HS2ST1: variants seen among roughly 807,000 people sequenced by gnomAD.
HS2ST1 encodes the protein 2-O-sulfotransferase.
HS2ST1 carries 18 observed loss-of-function variants against 42.9 expected under a neutral mutation model. That is an observed-to-expected ratio of 0.42 (90% CI 0.29 to 0.62). The LOEUF (loss-of-function observed/expected upper bound fraction) is 0.62. HS2ST1 is among the 20% of genes least tolerant of loss of function. The pLI is 0.21. For synonymous variants in HS2ST1, 146 were observed against 152.9 expected (o/e 0.95, Z 0.33); for missense variants, 334 against 433.8 (o/e 0.77, Z 2.04).
chr1:86,978,037 G>A (rs891068808), intron 1 of HS2ST1, among the ~76,000 whole-genome samples: 5 of 152,140 alleles, frequency 3.3e-5, no homozygotes, highest in Non-Finnish European at 7.4e-5. Flanking sequence ...TGCAACACAT[G>A]ATCTTTTCTA....
At chr1:86,931,811 A>T (rs538050876) in intron 1 of HS2ST1, among the ~76,000 whole-genome samples, 7 of 152,140 alleles carry the variant, frequency 4.6e-5, no homozygotes, top group Non-Finnish European at 8.8e-5. Context: ...GCTTAATACC[A>T]GTAATCTTTT....
intron 1 of HS2ST1, among the ~76,000 whole-genome samples, chr1:87,070,174 G>A (rs989896548): frequency 3.3e-5 from 5 of 152,156 alleles, no homozygotes; most frequent in African/African-American, 9.7e-5. Flanking sequence ...TTCTGTCAGC[G>A]CTTAAATGCC....
chr1:87,002,676 T>G (rs10873812), intron 1 of HS2ST1, among the ~76,000 whole-genome samples: 136,992 of 151,406 alleles, frequency 0.9, 62,240 homozygotes, highest in East Asian at 0.99. Flanking sequence ...ATGTAGTTTG[T>G]TTTTTTTACA....
intron 1 of HS2ST1, among the ~76,000 whole-genome samples, chr1:87,072,176 A>G (rs1244360549): frequency 6.6e-6 from 1 of 152,206 alleles, no homozygotes; most frequent in East Asian, 1.9e-4. Flanking sequence ...AGTGAAAAGC[A>G]TAGCCATGTG....
Position 86,979,927 on chromosome 1 carries a change from G to GT in HS2ST1, c.124+64772dup, listed in dbSNP as rs1217114791. ...AAGGTCATGAAGTATATTCTTATTTGTTTTTACTTCTGCATAAGATTACCC... is the reference window on the plus strand; with the variant it reads ...AAGGTCATGAAGTATATTCTTATTTGTTTTTTACTTCTGCATAAGATTACCC... On this transcript the variant is annotated intron_variant, in intron 1 of 6. Transcript: ENST00000370550. Among the ~76,000 whole-genome samples, 199 of 152,070 alleles carry GT rather than the reference G, an allele frequency of 1.3e-3. 1 individual carries two copies. The highest frequency in any genetic ancestry group is 4.6e-3 in the African/African-American group (192 of 41,482).
chr1:87,077,589 ACTTAT>A (rs1321257936), intron 2 of HS2ST1, among the ~76,000 whole-genome samples: 2 of 152,182 alleles, frequency 1.3e-5, no homozygotes, highest in African/African-American at 4.8e-5. Flanking sequence ...CAGCTTACTA[ACTTAT>A]CTTATATATT....
At position 87,092,674 on chromosome 1, in the gene HS2ST1, T is replaced by A. The variant is rs1651973956; in HGVS notation, c.588+5T>A. ...CGAAAACAAGGAGACAAAAAGGTAA[T>A]ATTTTAGTTTTAAGATTTTTATAAA... On this transcript the variant is annotated splice_donor_5th_base_variant and intron_variant, in intron 4 of 6. Transcript: ENST00000370550. The A allele has an allele frequency of 1.3e-6, 2 of 1,510,778 alleles. No homozygotes were observed. The highest frequency in any genetic ancestry group is 2.9e-5 in the African/African-American group (2 of 69,090). 93.6% of individuals were successfully genotyped at this position (1,510,778 alleles called of 1,614,324 possible).
At chr1:87,070,655 C>T (rs762937848) in intron 1 of HS2ST1, among the ~76,000 whole-genome samples, 1 of 152,144 alleles carries the variant, frequency 6.6e-6, no homozygotes, top group Non-Finnish European at 1.5e-5. Context: ...TCTAAGACAA[C>T]TTCCAAATCT....
intron 1 of HS2ST1, among the ~76,000 whole-genome samples, chr1:86,937,883 A>G (rs1159315891): frequency 6.6e-6 from 1 of 151,874 alleles, no homozygotes; most frequent in Non-Finnish European, 1.5e-5. Flanking sequence ...AGTAATTTAG[A>G]TGAGGTAAAA....
intron 1 of HS2ST1, among the ~76,000 whole-genome samples, chr1:87,066,636 A>T (rs1252974832): frequency 1.3e-5 from 2 of 152,106 alleles, no homozygotes; most frequent in Non-Finnish European, 2.9e-5. Flanking sequence ...CAGGTTTGTT[A>T]CATAGGTATA....
chr1:86,949,820 C>T (rs1336864937), intron 1 of HS2ST1, among the ~76,000 whole-genome samples: 1 of 152,072 alleles, frequency 6.6e-6, no homozygotes, highest in East Asian at 1.9e-4. Context: ...AATTAGACTC[C>T]TATTATCATA....
At chr1:86,988,519 T>C (rs1648855182) in intron 1 of HS2ST1, among the ~76,000 whole-genome samples, 1 of 152,246 alleles carries the variant, frequency 6.6e-6, no homozygotes, top group Non-Finnish European at 1.5e-5. Flanking sequence ...TTAACTCTCA[T>C]TTTGACTCCA....
intron 1 of HS2ST1, chr1:87,045,910 T>C (rs1650645736): frequency 1.4e-6 from 1 of 699,572 alleles, no homozygotes; most frequent in South Asian, 1.4e-5. Context: ...GCTCACCGGC[T>C]TCTCCCACGT....
intron 1 of HS2ST1, among the ~76,000 whole-genome samples, chr1:87,020,950 G>C (rs1212093501): frequency 1.3e-5 from 2 of 152,022 alleles, no homozygotes; most frequent in Non-Finnish European, 2.9e-5. Context: ...TCATTCTATA[G>C]GTACATCAGT....
chr1:87,047,621 T>TA (rs201679399), intron 1 of HS2ST1, among the ~76,000 whole-genome samples: 26 of 152,252 alleles, frequency 1.7e-4, no homozygotes, highest in African/African-American at 5.5e-4. Context: ...AAGATTCCCT[T>TA]AAAAAAATGG....
At chr1:87,040,780 C>T (rs1195670110) in intron 1 of HS2ST1, among the ~76,000 whole-genome samples, 1 of 152,154 alleles carries the variant, frequency 6.6e-6, no homozygotes, top group African/African-American at 2.4e-5. Flanking sequence ...CACAGAATAT[C>T]TGTGTCTCAG....
intron 1 of HS2ST1, among the ~76,000 whole-genome samples, chr1:86,938,497 TC>T (rs2102172816): frequency 6.6e-6 from 1 of 152,308 alleles, no homozygotes; most frequent in South Asian, 2.1e-4. Flanking sequence ...ATTTTTGATC[TC>T]TTTTGACAGC....
At chr1:86,968,376 G>A (rs1429133683) in intron 1 of HS2ST1, among the ~76,000 whole-genome samples, 1 of 151,830 alleles carries the variant, frequency 6.6e-6, no homozygotes, top group African/African-American at 2.4e-5. Flanking sequence ...TTGAAGTCTT[G>A]AGTTTTGTGT....
At chr1:87,043,367 G>C (rs953332254) in intron 1 of HS2ST1, among the ~76,000 whole-genome samples, 6 of 152,012 alleles carry the variant, frequency 3.9e-5, no homozygotes, top group Non-Finnish European at 7.4e-5. Flanking sequence ...TCATTTTGTA[G>C]GTGGCTCTAA....
Sources: allele counts gnomAD v4.1 joint callset (sites outside exome capture counted in the v4.1 genomes callset), GRCh38; gene constraint gnomAD v4.1.1; transcripts MANE v1.5; gene names NCBI Gene and HGNC (gene_info 2026-07-23, HGNC 2026-07-21).